The following ARL8B variants were observed in gnomAD, a reference collection of about 807,000 sequenced individuals.
ARL8B encodes the protein ADP-ribosylation factor-like protein 8B.
In ARL8B, 9 loss-of-function variants were observed where a neutral mutation model predicts 30.6. That is an observed-to-expected ratio of 0.29 (90% confidence interval 0.18 to 0.51). The LOEUF (loss-of-function observed/expected upper bound fraction) is 0.51. Ranked by LOEUF, ARL8B falls within the 20% of genes least tolerant of loss-of-function variation. The pLI is 0.97. For synonymous variants in ARL8B, 74 were observed against 76.0 expected (o/e 0.97, Z 0.14); for missense variants, 130 against 227.2 (o/e 0.57, Z 2.75).
chr3:5,131,814 CT>C (rs567271530), intron 1 of ARL8B, among the ~76,000 whole-genome samples: 179 of 152,198 alleles, frequency 1.2e-3, no homozygotes, highest in Middle Eastern at 3.4e-3. Context: ...TGGTTTTTGT[CT>C]TTTTTTCAGA....
chr3:5,173,511 C>T (rs899908115), intron 4 of ARL8B, among the ~76,000 whole-genome samples: 7 of 152,202 alleles, frequency 4.6e-5, no homozygotes, highest in African/African-American at 7.2e-5. Context: ...CCGAGATGGG[C>T]GGATCACCAG....
intron 1 of ARL8B, among the ~76,000 whole-genome samples, chr3:5,149,395 C>T (rs1411153486): frequency 6.6e-6 from 1 of 152,154 alleles, no homozygotes; most frequent in Admixed American, 6.5e-5. Flanking sequence ...CTGGTTGGGC[C>T]CCCAGGTTTG....
chr3:5,129,794 G>C (rs1301663443), intron 1 of ARL8B, among the ~76,000 whole-genome samples: 1 of 152,134 alleles, frequency 6.6e-6, no homozygotes, highest in East Asian at 1.9e-4. Context: ...GAGACAGGAG[G>C]ATTACTTGAA....
intron 1 of ARL8B, among the ~76,000 whole-genome samples, chr3:5,161,866 G>A (rs2054587548): frequency 1.3e-5 from 2 of 152,152 alleles, no homozygotes; most frequent in Admixed American, 6.5e-5. Flanking sequence ...AGTCTCCTCT[G>A]TTTTGCATAG....
chr3:5,132,059 T>C (rs923005828), intron 1 of ARL8B, among the ~76,000 whole-genome samples: 1 of 152,038 alleles, frequency 6.6e-6, no homozygotes, highest in African/African-American at 2.4e-5. Context: ...ATTAAAAAAA[T>C]TTGTTTTTTT....
intron 1 of ARL8B, among the ~76,000 whole-genome samples, chr3:5,130,358 A>G (rs1003040059): frequency 2.6e-5 from 4 of 151,642 alleles, no homozygotes; most frequent in African/African-American, 7.3e-5. Context: ...TGAGCTTCCC[A>G]GGCAAGCCAT....
chr3:5,170,087 C>T (rs570354886), intron 1 of ARL8B, among the ~76,000 whole-genome samples: 1 of 152,278 alleles, frequency 6.6e-6, no homozygotes, highest in South Asian at 2.1e-4. Context: ...TATTAAAAGA[C>T]AGACTTGGAA....
At chr3:5,171,565 C>G (rs1379213243) in intron 2 of ARL8B, among the ~76,000 whole-genome samples, 1 of 152,114 alleles carries the variant, frequency 6.6e-6, no homozygotes, top group Non-Finnish European at 1.5e-5. Flanking sequence ...CCAGGCTGGT[C>G]TCGAACTCCT....
chr3:5,176,168 G>A (rs2054728093), intron 6 of ARL8B, among the ~76,000 whole-genome samples: 1 of 152,034 alleles, frequency 6.6e-6, no homozygotes, highest in Non-Finnish European at 1.5e-5. Context: ...TTTTTCTTTA[G>A]CTTTTGTATT....
chr3:5,173,853 G>A (rs943053675), intron 4 of ARL8B, among the ~76,000 whole-genome samples, 164 bp from the exon 5 acceptor site: 1 of 152,240 alleles, frequency 6.6e-6, no homozygotes, highest in Non-Finnish European at 1.5e-5. Flanking sequence ...GAATACAAGT[G>A]TGAGCAATGA....
intron 1 of ARL8B, among the ~76,000 whole-genome samples, chr3:5,155,776 C>T (rs950470660): frequency 7.1e-5 from 10 of 140,666 alleles, no homozygotes; most frequent in African/African-American, 1.1e-4. Flanking sequence ...GCATCTTTTT[C>T]GGTTTTCTAC....
intron 1 of ARL8B, among the ~76,000 whole-genome samples, chr3:5,130,446 C>A (rs1159813730): frequency 2.0e-5 from 3 of 151,940 alleles, no homozygotes; most frequent in Admixed American, 6.6e-5. Context: ...ATTGCATATT[C>A]CATAACCCTG....
chr3:5,147,567 C>T (rs1415268354), intron 1 of ARL8B, among the ~76,000 whole-genome samples: 2 of 152,122 alleles, frequency 1.3e-5, no homozygotes, highest in Non-Finnish European at 2.9e-5. Flanking sequence ...ATCTATCATT[C>T]CCTTCTCTCC....
intron 1 of ARL8B, among the ~76,000 whole-genome samples, chr3:5,131,582 G>T (rs898564235): frequency 2.0e-5 from 3 of 151,718 alleles, no homozygotes; most frequent in Non-Finnish European, 4.4e-5. Flanking sequence ...GTAGAGACAG[G>T]GTTTCACGAT....
intron 1 of ARL8B, among the ~76,000 whole-genome samples, chr3:5,141,099 C>A (rs961959510): frequency 2.0e-5 from 3 of 152,186 alleles, no homozygotes; most frequent in African/African-American, 7.2e-5. Flanking sequence ...TTCCCCACTT[C>A]AGTTTCGATT....
intron 1 of ARL8B, among the ~76,000 whole-genome samples, chr3:5,124,023 T>G (rs1001757405): frequency 2.6e-5 from 4 of 152,080 alleles, no homozygotes; most frequent in African/African-American, 4.8e-5. Flanking sequence ...ACAGACGTCC[T>G]CCACCACGCC....
chr3:5,152,928 T>C (rs2054497130), intron 1 of ARL8B, among the ~76,000 whole-genome samples: 2 of 152,230 alleles, frequency 1.3e-5, no homozygotes, highest in Non-Finnish European at 2.9e-5. Context: ...TTAAACATAG[T>C]ATTTAGTTCA....
intron 1 of ARL8B, among the ~76,000 whole-genome samples, chr3:5,158,094 G>A (rs553034579): frequency 6.6e-6 from 1 of 152,228 alleles, no homozygotes; most frequent in South Asian, 2.1e-4. Flanking sequence ...TCCTGCCTCA[G>A]CCTCCAAAGT....
At chr3:5,128,717 A>G in intron 1 of ARL8B, 2 of 203,632 alleles carry the variant, frequency 9.8e-6, no homozygotes, top group South Asian at 1.3e-4. Flanking sequence ...ATTAGCGGAG[A>G]TGTGAAAAGA....
Sources: allele counts gnomAD v4.1 joint callset (sites outside exome capture counted in the v4.1 genomes callset), GRCh38; gene constraint gnomAD v4.1.1; transcripts MANE v1.5; gene names NCBI Gene and HGNC (gene_info 2026-07-23, HGNC 2026-07-21).